The following L3MBTL4 variants were observed in gnomAD, a reference collection of about 807,000 sequenced individuals.
The protein encoded by L3MBTL4 is lethal(3)malignant brain tumor-like protein 4.
A neutral mutation model predicts 84.5 loss-of-function variants in L3MBTL4; 70 were observed. The ratio of observed to expected loss-of-function variants is 0.83; its 90% CI spans 0.68 to 1.01. The LOEUF is 1.01. Among genes scored for constraint, L3MBTL4 ranks in the 50% least tolerant of loss-of-function variants. L3MBTL4 has a pLI of 0.00. For missense variants in L3MBTL4, 715 were observed against 754.8 expected (o/e 0.95, Z 0.62); for synonymous variants, 274 against 259.8 (o/e 1.05, Z -0.52).
intron 1 of L3MBTL4, among the ~76,000 whole-genome samples, chr18:6,372,035 G>A (rs535968784): frequency 1.1e-4 from 16 of 152,208 alleles, no homozygotes; most frequent in Non-Finnish European, 2.1e-4. Flanking sequence ...CTTGTCAGGG[G>A]TGCCAAGACT....
intron 16 of L3MBTL4, among the ~76,000 whole-genome samples, chr18:6,067,092 A>G (rs2057426578): frequency 6.6e-6 from 1 of 152,140 alleles, no homozygotes. Context: ...CTTGGCTTAC[A>G]ATTATTTTGC....
chr18:6,202,541 G>A (rs2145671049), intron 12 of L3MBTL4, among the ~76,000 whole-genome samples: 1 of 152,278 alleles, frequency 6.6e-6, no homozygotes. Flanking sequence ...GTCCAGGTGA[G>A]ATATGCTGCT....
At chr18:5,963,951 T>C (rs1431611710) in intron 17 of L3MBTL4, among the ~76,000 whole-genome samples, 1 of 152,184 alleles carries the variant, frequency 6.6e-6, no homozygotes, top group East Asian at 1.9e-4. Context: ...GCCATGGCAG[T>C]GGGGTCATCT....
intron 14 of L3MBTL4, among the ~76,000 whole-genome samples, chr18:6,118,673 A>C (rs1197555652): frequency 6.6e-6 from 1 of 152,210 alleles, no homozygotes; most frequent in Non-Finnish European, 1.5e-5. Context: ...ACTTTTTCAC[A>C]AATCTTAAGT....
chr18:6,274,087 G>T (rs1599438068), intron 4 of L3MBTL4, among the ~76,000 whole-genome samples: 1 of 152,164 alleles, frequency 6.6e-6, no homozygotes, highest in Non-Finnish European at 1.5e-5. Context: ...ACCTGAAAAG[G>T]AAAGGAACAA....
chr18:6,362,269 AAAG>A (rs961668919), intron 1 of L3MBTL4, among the ~76,000 whole-genome samples: 1 of 149,460 alleles, frequency 6.7e-6, no homozygotes, highest in African/African-American at 2.6e-5. Flanking sequence ...AAGGAAAGGA[AAAG>A]AAGAAAAAGA....
At chr18:5,971,866 T>C (rs2052658161) in intron 16 of L3MBTL4, among the ~76,000 whole-genome samples, 1 of 152,226 alleles carries the variant, frequency 6.6e-6, no homozygotes, top group African/African-American at 2.4e-5. Context: ...AGTAGCAAGA[T>C]GGCCTTTAGG....
At chr18:6,378,926 C>T (rs1054997262) in intron 1 of L3MBTL4, among the ~76,000 whole-genome samples, 1 of 152,136 alleles carries the variant, frequency 6.6e-6, no homozygotes, top group South Asian at 2.1e-4. Flanking sequence ...ACCATTTTCA[C>T]GGTATTGATT....
chr18:5,962,111 G>A (rs2095266522), intron 17 of L3MBTL4, among the ~76,000 whole-genome samples: 2 of 152,148 alleles, frequency 1.3e-5, no homozygotes, highest in Admixed American at 1.3e-4. Flanking sequence ...GGAGGATTGA[G>A]GGGAACAGGG....
intron 1 of L3MBTL4, among the ~76,000 whole-genome samples, chr18:6,332,766 T>TA (rs2052107788): frequency 6.6e-6 from 1 of 152,244 alleles, no homozygotes; most frequent in Non-Finnish European, 1.5e-5. Flanking sequence ...ACCCCAGTAC[T>TA]GCTGCTCAGT....
intron 16 of L3MBTL4, among the ~76,000 whole-genome samples, chr18:6,071,783 AAGAAAGAAAG>A (rs1568066872): frequency 2.1e-5 from 3 of 143,408 alleles, no homozygotes; most frequent in East Asian, 4.3e-4. Flanking sequence ...GAAAGAAAGA[AAGAAAGAAAG>A]AAAGAAAGAA....
At chr18:6,381,063 A>G (rs1028246801) in intron 1 of L3MBTL4, among the ~76,000 whole-genome samples, 4 of 152,132 alleles carry the variant, frequency 2.6e-5, no homozygotes, top group Admixed American at 1.3e-4. Context: ...TCCCTTTACC[A>G]TTATGTAATG....
At chr18:6,190,497 A>C (rs1054823056) in intron 12 of L3MBTL4, among the ~76,000 whole-genome samples, 18 of 152,236 alleles carry the variant, frequency 1.2e-4, no homozygotes, top group Middle Eastern at 3.2e-3. Flanking sequence ...CATGCTTGCC[A>C]GTCATAATGA....
rs138559664 is a variant in L3MBTL4, at chr18:6,302,672, T to C, written c.73-715A>G. Among the ~76,000 whole-genome samples the C allele has an allele frequency of 1.6e-3, 239 of 152,326 alleles. 1 individual carries two copies. The highest frequency in any genetic ancestry group is 0.01 in the Middle Eastern group (3 of 294). On this transcript the variant is annotated intron_variant, in intron 3 of 18. Transcript: ENST00000317931. ...TCTTCTTTATGTCATTTTGTGGCCA[T>C]CAAAATGTATTCCACCTATTAAAAA...
chr18:6,127,413 TG>T (rs2059729736), intron 14 of L3MBTL4, among the ~76,000 whole-genome samples: 1 of 152,190 alleles, frequency 6.6e-6, no homozygotes, highest in African/African-American at 2.4e-5. Context: ...CAGTTCTACA[TG>T]ATGAACATGT....
chr18:6,375,647 C>T (rs1264724933), intron 1 of L3MBTL4, among the ~76,000 whole-genome samples: 1 of 152,212 alleles, frequency 6.6e-6, no homozygotes, highest in African/African-American at 2.4e-5. Flanking sequence ...CCTGGAATAA[C>T]GTCTGGGGCA....
chr18:6,394,549 C>T (rs1284081189), intron 1 of L3MBTL4, among the ~76,000 whole-genome samples: 1 of 152,046 alleles, frequency 6.6e-6, no homozygotes, highest in Non-Finnish European at 1.5e-5. Context: ...GACGGCCTCT[C>T]CCCCACCAGG....
chr18:6,230,978 T>C (rs2046976780), intron 10 of L3MBTL4, among the ~76,000 whole-genome samples: 3 of 152,198 alleles, frequency 2.0e-5, no homozygotes, highest in Admixed American at 1.3e-4. Flanking sequence ...TTCCAGATAT[T>C]AGACTTTTGT....
chr18:6,040,169 A>T (rs2056336593), intron 16 of L3MBTL4, among the ~76,000 whole-genome samples: 1 of 151,436 alleles, frequency 6.6e-6, no homozygotes, highest in South Asian at 2.1e-4. Flanking sequence ...ATTGTAGTTC[A>T]TTTTTTTTTC....
Sources: allele counts gnomAD v4.1 joint callset (sites outside exome capture counted in the v4.1 genomes callset), GRCh38; gene constraint gnomAD v4.1.1; transcripts MANE v1.5; gene names NCBI Gene and HGNC (gene_info 2026-07-23, HGNC 2026-07-21).